The following DNER variants were observed in gnomAD, a reference collection of about 807,000 sequenced individuals.
The protein encoded by DNER is delta/notch like EGF repeat containing.
Under a neutral mutation model 78.2 loss-of-function variants are expected in DNER, and 33 were observed. The ratio of observed to expected loss-of-function variants is 0.42; its 90% CI spans 0.32 to 0.56. The LOEUF (loss-of-function observed/expected upper bound fraction) is 0.56, where lower values mean the gene tolerates loss of function less well. DNER is among the 20% of genes least tolerant of loss of function. The pLI is 0.11. For missense variants in DNER, 918 were observed against 975.3 expected, an observed-to-expected ratio of 0.94 and a Z score of 0.78; for synonymous variants, 417 against 384.8, an observed-to-expected ratio of 1.08 and a Z score of -0.98.
chr2:229,374,573 T>C (rs1692558120), intron 11 of DNER, among the ~76,000 whole-genome samples: 1 of 152,182 alleles, frequency 6.6e-6, no homozygotes, highest in Admixed American at 6.5e-5. Context: ...CCTCCTACAA[T>C]GCTTTGAGGT....
chr2:229,683,273 A>C (rs185168322), intron 1 of DNER, among the ~76,000 whole-genome samples: 5 of 152,278 alleles, frequency 3.3e-5, no homozygotes, highest in African/African-American at 1.2e-4. Flanking sequence ...AGATTTCGTA[A>C]TTTGTCGAAG....
chr2:229,586,817 G>A, intron 3 of DNER: 1 of 985,900 alleles, frequency 1.0e-6, no homozygotes, highest in Non-Finnish European at 1.2e-6. Flanking sequence ...CAGTGCTCCT[G>A]GAGAAGATCA....
At chr2:229,614,613 GTTC>G (rs1225969819) in intron 1 of DNER, among the ~76,000 whole-genome samples, 2 of 152,186 alleles carry the variant, frequency 1.3e-5, no homozygotes, top group Non-Finnish European at 1.5e-5. Context: ...CTTTCTTGCA[GTTC>G]TTCTGGAGCT....
chr2:229,488,132 AG>A (rs1189560289), intron 6 of DNER, among the ~76,000 whole-genome samples: 2 of 152,230 alleles, frequency 1.3e-5, no homozygotes, highest in Non-Finnish European at 2.9e-5. Flanking sequence ...GAGAACTCCA[AG>A]AGGGATGTCG....
chr2:229,442,621 T>C lies in DNER; in HGVS notation c.1486+4695A>G, dbSNP rs551948038. 3.7e-3 allele frequency among the ~76,000 whole-genome samples: 562 copies of C among 152,336 alleles called. 1 individual carries two copies. The highest frequency in any genetic ancestry group is 0.013 in the African/African-American group (539 of 41,582). On this transcript the variant is annotated intron_variant, in intron 8 of 12. Transcript: ENST00000341772. Reference sequence around the variant, plus strand: ...ACTTATCCAAAAATGTAAAGGCACATGGGCCTTAGTGAGCTAAATGTCTTC... The same window carrying C: ...ACTTATCCAAAAATGTAAAGGCACACGGGCCTTAGTGAGCTAAATGTCTTC...
chr2:229,556,260 G>T (rs16826179), intron 4 of DNER, among the ~76,000 whole-genome samples: 3,237 of 152,246 alleles, frequency 0.021, 109 homozygotes, highest in African/African-American at 0.066. Context: ...GATAAGTCAC[G>T]CTTGGTTTCT....
intron 1 of DNER, among the ~76,000 whole-genome samples, chr2:229,699,584 C>T (rs1452697146): frequency 6.6e-6 from 1 of 152,056 alleles, no homozygotes; most frequent in Non-Finnish European, 1.5e-5. Flanking sequence ...AGGCTGGTCT[C>T]GAACTCCTAG....
At chr2:229,397,463 C>CAAAGAAAAAAAAAA (rs1693171237) in intron 10 of DNER, among the ~76,000 whole-genome samples, 2 of 96,598 alleles carry the variant, frequency 2.1e-5, no homozygotes, top group Non-Finnish European at 4.1e-5. Context: ...CCAAACACTA[C>CAAAGAAAAAAAAAA]AAAAAAAAAA....
At chr2:229,567,159 T>C (rs1268942138) in intron 4 of DNER, among the ~76,000 whole-genome samples, 1 of 152,258 alleles carries the variant, frequency 6.6e-6, no homozygotes, top group Non-Finnish European at 1.5e-5. Flanking sequence ...CTCAGCCTAA[T>C]AGTCCTTCTC....
At chr2:229,440,242 C>T (rs1310264710) in intron 8 of DNER, among the ~76,000 whole-genome samples, 1 of 152,164 alleles carries the variant, frequency 6.6e-6, no homozygotes, top group Admixed American at 6.5e-5. Context: ...TACCTGAATG[C>T]CCCCACAACT....
intron 8 of DNER, among the ~76,000 whole-genome samples, chr2:229,421,707 T>C (rs1379510017): frequency 2.0e-5 from 3 of 151,644 alleles, no homozygotes; most frequent in Non-Finnish European, 4.4e-5. Flanking sequence ...TATCCATGTA[T>C]ATGTAAAGAG....
At chr2:229,409,393 C>T (rs1693457856) in intron 9 of DNER, among the ~76,000 whole-genome samples, 2 of 152,118 alleles carry the variant, frequency 1.3e-5, no homozygotes, top group South Asian at 4.2e-4. Context: ...TTCCATTAGA[C>T]CTGAAGTCAA....
chr2:229,424,458 T>C (rs1693832056), intron 8 of DNER, among the ~76,000 whole-genome samples: 1 of 152,186 alleles, frequency 6.6e-6, no homozygotes, highest in Non-Finnish European at 1.5e-5. Context: ...CTGGTTGAAT[T>C]AAACAAAAAC....
chr2:229,536,498 C>A (rs777473953), intron 5 of DNER, among the ~76,000 whole-genome samples: 2 of 152,112 alleles, frequency 1.3e-5, no homozygotes, highest in African/African-American at 2.4e-5. Context: ...AAGCAGCAGC[C>A]CCATATGGGT....
intron 6 of DNER, among the ~76,000 whole-genome samples, chr2:229,510,115 T>A (rs1435557247): frequency 6.7e-6 from 1 of 148,744 alleles, no homozygotes; most frequent in Non-Finnish European, 1.5e-5. Context: ...AGATGAGAGA[T>A]CAAGCTATTA....
chr2:229,682,365 G>T (rs1699401236), intron 1 of DNER, among the ~76,000 whole-genome samples: 1 of 152,134 alleles, frequency 6.6e-6, no homozygotes, highest in African/African-American at 2.4e-5. Flanking sequence ...TATAACTAAG[G>T]GTAACTTTCA....
At chr2:229,694,371 A>G (rs561328774) in intron 1 of DNER, among the ~76,000 whole-genome samples, 154 of 152,334 alleles carry the variant, frequency 1.0e-3, no homozygotes, top group African/African-American at 3.5e-3. Context: ...TGGAGCTGTG[A>G]GAAGAGAGCC....
At chr2:229,708,272 C>T (rs1002097933) in intron 1 of DNER, among the ~76,000 whole-genome samples, 1 of 152,176 alleles carries the variant, frequency 6.6e-6, no homozygotes, top group Non-Finnish European at 1.5e-5. Flanking sequence ...CAACCCTAGT[C>T]ATACAGTAGA....
intron 5 of DNER, among the ~76,000 whole-genome samples, chr2:229,514,117 A>G (rs1314209546): frequency 6.6e-6 from 1 of 152,052 alleles, no homozygotes; most frequent in Non-Finnish European, 1.5e-5. Flanking sequence ...TTTACTCCTG[A>G]ATATTTATGT....
Sources: allele counts gnomAD v4.1 joint callset (sites outside exome capture counted in the v4.1 genomes callset), GRCh38; gene constraint gnomAD v4.1.1; transcripts MANE v1.5; gene names NCBI Gene and HGNC (gene_info 2026-07-23, HGNC 2026-07-21).